Variants in ADGRL3 observed in about 807,000 individuals in gnomAD.
ADGRL3 encodes calcium-independent alpha-latrotoxin receptor 3.
ADGRL3 carries 62 observed loss-of-function variants against 153.5 expected under a neutral mutation model. The ratio of observed to expected loss-of-function variants is 0.40; its 90% CI spans 0.33 to 0.50. The LOEUF (loss-of-function observed/expected upper bound fraction) is 0.50, where lower values mean the gene tolerates loss of function less well. Among genes scored for constraint, ADGRL3 ranks in the 20% least tolerant of loss-of-function variants. The pLI, the probability that ADGRL3 is intolerant of heterozygous loss-of-function variation, is 0.47. For missense variants in ADGRL3, 1,641 were observed against 1,859.4 expected (o/e 0.88, Z 2.16); for synonymous variants, 710 against 672.5 (o/e 1.06, Z -0.86).
intron 9 of ADGRL3, among the ~76,000 whole-genome samples, chr4:61,830,686 A>G (rs1374254143): frequency 6.6e-6 from 1 of 152,154 alleles, no homozygotes; most frequent in Admixed American, 6.5e-5. Context: ...CCAGATTAGT[A>G]GGAAACCGAA....
At chr4:61,913,111 A>T (rs1581431562) in intron 13 of ADGRL3, among the ~76,000 whole-genome samples, 1 of 152,146 alleles carries the variant, frequency 6.6e-6, no homozygotes, top group East Asian at 1.9e-4. Context: ...AGTCATTCAG[A>T]AATGAAACTA....
At chr4:61,451,925 T>A (rs894544248) in intron 2 of ADGRL3, among the ~76,000 whole-genome samples, 69 of 152,330 alleles carry the variant, frequency 4.5e-4, no homozygotes, top group African/African-American at 1.6e-3. Flanking sequence ...TTGCTACAAT[T>A]GACTACATTT....
At chr4:61,529,689 A>G (rs191619307) in intron 4 of ADGRL3, among the ~76,000 whole-genome samples, 27 of 152,186 alleles carry the variant, frequency 1.8e-4, no homozygotes, top group African/African-American at 6.5e-4. Flanking sequence ...AAGTCTATTC[A>G]TAAGACTTCT....
intron 1 of ADGRL3, among the ~76,000 whole-genome samples, chr4:61,213,225 C>A (rs1026454588): frequency 5.9e-5 from 9 of 152,252 alleles, no homozygotes; most frequent in African/African-American, 2.2e-4. Context: ...GTATCAATGT[C>A]AGAGGACACT....
intron 21 of ADGRL3, among the ~76,000 whole-genome samples, chr4:61,998,977 C>T (rs1445857014): frequency 1.3e-5 from 2 of 152,078 alleles, no homozygotes; most frequent in Non-Finnish European, 2.9e-5. Context: ...CCTACATGTA[C>T]CAAAAGGGGA....
intron 1 of ADGRL3, among the ~76,000 whole-genome samples, chr4:61,348,176 G>C (rs995051876): frequency 4.6e-5 from 7 of 151,996 alleles, no homozygotes; most frequent in African/African-American, 1.7e-4. Context: ...CCCAGAGACA[G>C]ACGCTCTTTA....
chr4:61,941,168 G>A (rs1431291148), intron 15 of ADGRL3, among the ~76,000 whole-genome samples: 3 of 94,060 alleles, frequency 3.2e-5, no homozygotes, highest in Non-Finnish European at 6.0e-5. Flanking sequence ...AGTTTTCCCA[G>A]CACCATTTAT....
intron 1 of ADGRL3, among the ~76,000 whole-genome samples, chr4:61,357,104 T>C (rs1490211144): frequency 6.6e-6 from 1 of 152,166 alleles, no homozygotes; most frequent in African/African-American, 2.4e-5. Context: ...TTAGGGATTT[T>C]AACGTTTATT....
intron 8 of ADGRL3, among the ~76,000 whole-genome samples, chr4:61,758,764 C>A (rs1367450830): frequency 6.6e-6 from 1 of 152,146 alleles, no homozygotes; most frequent in Non-Finnish European, 1.5e-5. Context: ...GATGCAGTTT[C>A]TTCCTAGTCT....
chr4:61,408,808 TGATGCTAAA>T (rs926889306), intron 2 of ADGRL3, among the ~76,000 whole-genome samples: 2 of 152,080 alleles, frequency 1.3e-5, no homozygotes, highest in Admixed American at 1.3e-4. Context: ...TGAGTTTGGA[TGATGCTAAA>T]GTATTTGTGT....
intron 5 of ADGRL3, among the ~76,000 whole-genome samples, chr4:61,628,920 T>TAA (rs2149983128): frequency 6.6e-6 from 1 of 152,310 alleles, no homozygotes; most frequent in Admixed American, 6.5e-5. Context: ...ATAGTATTGG[T>TAA]ACCTTCTGTT....
intron 2 of ADGRL3, among the ~76,000 whole-genome samples, chr4:61,431,193 C>T (rs935552271): frequency 6.6e-6 from 1 of 152,164 alleles, no homozygotes; most frequent in Non-Finnish European, 1.5e-5. Context: ...TTAATGGAAA[C>T]AATCTATCCT....
At chr4:61,307,173 C>T (rs1357665238) in intron 1 of ADGRL3, among the ~76,000 whole-genome samples, 1 of 152,064 alleles carries the variant, frequency 6.6e-6, no homozygotes, top group Non-Finnish European at 1.5e-5. Flanking sequence ...AAAAATCAGA[C>T]CACAGTTTTC....
chr4:61,429,100 C>T (rs1411022971), intron 2 of ADGRL3, among the ~76,000 whole-genome samples: 2 of 151,992 alleles, frequency 1.3e-5, no homozygotes, highest in Non-Finnish European at 1.5e-5. Context: ...TTCTGTTCTC[C>T]AGGAAAACAC....
chr4:61,788,072 A>G (rs1207360172), intron 8 of ADGRL3, among the ~76,000 whole-genome samples: 6 of 152,124 alleles, frequency 3.9e-5, no homozygotes, highest in Admixed American at 2.0e-4. Context: ...TATTTTTGCA[A>G]TTGGGAATTG....
At chr4:62,037,682 T>A in intron 23 of ADGRL3, 49 bp from the exon 24 acceptor site, 1 of 1,607,804 alleles carries the variant, frequency 6.2e-7, no homozygotes, top group South Asian at 1.1e-5. Context: ...CTTTTGTTCC[T>A]ACCTGCAATG....
intron 6 of ADGRL3, among the ~76,000 whole-genome samples, chr4:61,695,402 G>A (rs991209239): frequency 6.6e-6 from 1 of 152,166 alleles, no homozygotes; most frequent in Non-Finnish European, 1.5e-5. Flanking sequence ...TATTGTCAAT[G>A]AGTAGTAATA....
chr4:61,818,683 A>C (rs995501673), intron 9 of ADGRL3, among the ~76,000 whole-genome samples: 4 of 152,118 alleles, frequency 2.6e-5, no homozygotes, highest in African/African-American at 9.7e-5. Context: ...TTTCTGCTTG[A>C]TATCTACCTC....
intron 17 of ADGRL3, among the ~76,000 whole-genome samples, chr4:61,950,671 A>C (rs1184845999): frequency 6.6e-6 from 1 of 152,212 alleles, no homozygotes; most frequent in Non-Finnish European, 1.5e-5. Context: ...AGAGGGTTGG[A>C]GATTTCATAA....
Sources: allele counts gnomAD v4.1 joint callset (sites outside exome capture counted in the v4.1 genomes callset), GRCh38; gene constraint gnomAD v4.1.1; transcripts MANE v1.5; gene names NCBI Gene and HGNC (gene_info 2026-07-23, HGNC 2026-07-21).